The following DOCK10 variants were observed in gnomAD, a reference collection of about 807,000 sequenced individuals.
DOCK10 encodes the protein dedicator of cytokinesis 10, also known as dedicator of cytokinesis protein 10.
DOCK10 carries 145 observed loss-of-function variants against 280.1 expected under a neutral mutation model. The observed-to-expected ratio is 0.52, with a 90% CI of 0.45 to 0.59. The LOEUF (loss-of-function observed/expected upper bound fraction) is 0.59. Among genes scored for constraint, DOCK10 ranks in the 20% least tolerant of loss-of-function variants. The pLI is 0.00. For missense variants in DOCK10, 2,368 were observed against 2,651.7 expected (o/e 0.89, Z 2.35); for synonymous variants, 915 against 942.2 (o/e 0.97, Z 0.53).
At chr2:224,782,638 A>G (rs956714710) in intron 50 of DOCK10, among the ~76,000 whole-genome samples, 5 of 152,214 alleles carry the variant, frequency 3.3e-5, no homozygotes, top group Non-Finnish European at 7.3e-5. Flanking sequence ...GCTATGAACG[A>G]TCAGTTTTAA....
In DOCK10 at chr2:224,823,510, T is replaced by A. The variant is rs1479804571; in HGVS notation, c.3174A>T (p.Arg1058Ser). The A allele has an allele frequency of 1.9e-6, 3 of 1,595,864 alleles. No individual in the cohort carries two copies. Among genetic ancestry groups the A allele is most frequent in the Non-Finnish European group, 2.6e-6 (3 of 1,174,538 alleles). ...TCTCATATAACTGTACCTTGAGAAA[T>A]CTGGCAACGCTGTGGTTTGCCCTTC... ...ETRRANHSVA[R>S]FLKRCFTFMD... Residue 1058 changes from arginine to serine, a missense_variant, in exon 28 of 56, where the codon AGA (arginine) becomes AGT (serine). Coordinates refer to ENST00000258390, the MANE Select transcript of DOCK10 (RefSeq NM_014689.3).
rs1473324998 is a variant in DOCK10 at position 225,042,164 on chromosome 2, G to A, written c.123+88C>T. ...AGGACCCGTGAGCTGCGGGGACCTGGGCCCGCCGAGCTTTTGGGGAAGCTG... is the reference window on the plus strand; with the variant it reads ...AGGACCCGTGAGCTGCGGGGACCTGAGCCCGCCGAGCTTTTGGGGAAGCTG... On this transcript the variant is annotated intron_variant, in intron 1 of 55. Coordinates refer to ENST00000258390, the MANE Select transcript of DOCK10 (RefSeq NM_014689.3). This position sits in a 1 kb window ranked among gnomAD's most constrained non-coding sequence, Gnocchi z 5.1. 4.2e-6 allele frequency: 5 copies of A among 1,201,928 alleles called. No individual in the cohort carries two copies. The highest frequency in any genetic ancestry group is 4.1e-5 in the South Asian group (1 of 24,348). The allele number at this position is 1,201,928 out of a possible 1,614,324, so 74.5% of individuals were successfully genotyped here.
chr2:224,834,819 G>A (rs1040243262), intron 25 of DOCK10, among the ~76,000 whole-genome samples: 1 of 152,086 alleles, frequency 6.6e-6, no homozygotes, highest in South Asian at 2.1e-4. Flanking sequence ...ATTGGTTTTG[G>A]CATGCACCAC....
intron 1 of DOCK10, among the ~76,000 whole-genome samples, chr2:225,014,094 T>TGTTTG (rs1553632524): frequency 2.7e-5 from 3 of 110,650 alleles, no homozygotes; most frequent in African/African-American, 1.1e-4. Context: ...GTTTTTTTTT[T>TGTTTG]TTTGTTTTTT....
At chr2:224,806,014 T>C (rs1412921986) in intron 34 of DOCK10, 112 bp downstream of exon 34, 1 of 626,434 alleles carries the variant, frequency 1.6e-6, no homozygotes, top group Non-Finnish European at 2.7e-6. Context: ...GTAGTATACT[T>C]TGCCACGTAG....
At chr2:224,966,875 C>G (rs1208387908) in intron 1 of DOCK10, among the ~76,000 whole-genome samples, 1 of 151,292 alleles carries the variant, frequency 6.6e-6, no homozygotes, top group East Asian at 1.9e-4. Context: ...AATAGCTCAT[C>G]TAGAAGCAGG....
At chr2:224,947,252 C>A (rs936127752) in intron 1 of DOCK10, among the ~76,000 whole-genome samples, 1 of 152,144 alleles carries the variant, frequency 6.6e-6, no homozygotes, top group African/African-American at 2.4e-5. Context: ...GCTAAATAAA[C>A]CATATGATGT....
intron 1 of DOCK10, among the ~76,000 whole-genome samples, chr2:225,023,380 G>A (rs557174491): frequency 5.7e-4 from 87 of 152,204 alleles, no homozygotes; most frequent in Non-Finnish European, 9.9e-4. Flanking sequence ...TGACACATTT[G>A]CAATATGAAT....
At chr2:224,824,515 C>T (rs1321129238) in intron 27 of DOCK10, among the ~76,000 whole-genome samples, 3 of 143,830 alleles carry the variant, frequency 2.1e-5, no homozygotes, top group Middle Eastern at 3.7e-3. Flanking sequence ...CAGCTCACTG[C>T]AACCTCTACC....
At chr2:224,828,639 A>T (rs1473531808) in intron 27 of DOCK10, among the ~76,000 whole-genome samples, 3 of 152,156 alleles carry the variant, frequency 2.0e-5, no homozygotes. Flanking sequence ...GAGCAGTCAC[A>T]GTCTTGGCTC....
intron 1 of DOCK10, among the ~76,000 whole-genome samples, chr2:225,036,122 CAT>C (rs529918069): frequency 1.3e-5 from 2 of 152,166 alleles, no homozygotes; most frequent in South Asian, 2.1e-4. Flanking sequence ...CTCTGAAACA[CAT>C]GTTTAGGGTA....
intron 1 of DOCK10, among the ~76,000 whole-genome samples, chr2:225,031,147 T>C (rs1690063500): frequency 6.6e-6 from 1 of 152,156 alleles, no homozygotes. Context: ...CACCTCTTCC[T>C]CCTCCTCCAG....
chr2:224,859,364 G>C (rs1173172157), intron 14 of DOCK10, among the ~76,000 whole-genome samples: 1 of 152,140 alleles, frequency 6.6e-6, no homozygotes, highest in Non-Finnish European at 1.5e-5. Context: ...TAGGATTCTG[G>C]GGCTGATATG....
chr2:225,010,441 A>C (rs590233), intron 1 of DOCK10: 127,493 of 152,962 alleles, frequency 0.83, 53,391 homozygotes, highest in African/African-American at 0.9. Flanking sequence ...ACCTAGAGGA[A>C]AATATAAAAT....
intron 1 of DOCK10, among the ~76,000 whole-genome samples, chr2:224,941,812 C>A (rs2126077665): frequency 6.7e-6 from 1 of 149,102 alleles, no homozygotes; most frequent in South Asian, 2.1e-4. Flanking sequence ...TCACTGTAAT[C>A]CAGCCTGGGC....
chr2:224,982,473 TCA>T, intron 1 of DOCK10: 1 of 1,228,358 alleles, frequency 8.1e-7, no homozygotes, highest in Non-Finnish European at 1.0e-6. Context: ...TGCAGCCGGC[TCA>T]CTCTCCAATC....
intron 2 of DOCK10, among the ~76,000 whole-genome samples, chr2:224,928,775 TCA>T (rs1187672843): frequency 6.6e-6 from 1 of 152,230 alleles, no homozygotes; most frequent in Admixed American, 6.5e-5. Flanking sequence ...ATTCTTTGGA[TCA>T]CACTCCCCAC....
At chr2:224,820,859 T>A (rs1357879267) in intron 28 of DOCK10, among the ~76,000 whole-genome samples, 1 of 152,210 alleles carries the variant, frequency 6.6e-6, no homozygotes, top group Non-Finnish European at 1.5e-5. Flanking sequence ...CAACAGCTCA[T>A]TGAAACAAAG....
chr2:224,851,526 AATTGATT>A (rs1696741765), intron 18 of DOCK10, among the ~76,000 whole-genome samples: 1 of 151,252 alleles, frequency 6.6e-6, no homozygotes, highest in African/African-American at 2.4e-5. Context: ...CAATCACTCA[AATTGATT>A]ATTGTTCTTC....
Sources: gnomAD v4.1 joint callset for allele counts (sites outside exome capture counted in the v4.1 genomes callset) on GRCh38, gnomAD v4.1.1 for gene constraint, Gnocchi (gnomAD v3.1) non-coding constraint, MANE v1.5 for transcripts, NCBI Gene and HGNC (gene_info 2026-07-23, HGNC 2026-07-21) for gene names.